The following DNM3 variants were observed in gnomAD, a reference collection of about 807,000 sequenced individuals.
DNM3 encodes the protein dynamin 3.
In DNM3, 47 loss-of-function variants were observed where a neutral mutation model predicts 101.6. The observed-to-expected ratio is 0.46, with a 90% CI of 0.37 to 0.59. The LOEUF (loss-of-function observed/expected upper bound fraction) is 0.59, where lower values mean the gene tolerates loss of function less well. Ranked by LOEUF, DNM3 falls within the 20% of genes least tolerant of loss-of-function variation. The probability of loss-of-function intolerance (pLI) is 0.00; values close to 1 mark genes in which losing one functional copy is unlikely to be tolerated. For synonymous variants in DNM3, 385 were observed against 387.9 expected (o/e 0.99, Z 0.09); for missense variants, 849 against 1,085.7 (o/e 0.78, Z 3.06).
At chr1:172,123,203 C>T (rs2056421850) in intron 13 of DNM3, among the ~76,000 whole-genome samples, 1 of 152,102 alleles carries the variant, frequency 6.6e-6, no homozygotes, top group Non-Finnish European at 1.5e-5. Context: ...GTCTTGAAAA[C>T]AAAGAAAAAC....
intron 2 of DNM3, among the ~76,000 whole-genome samples, chr1:171,979,627 C>G (rs1157869676): frequency 1.3e-5 from 2 of 152,176 alleles, no homozygotes; most frequent in Non-Finnish European, 2.9e-5. Context: ...AGTCCCCCAT[C>G]TCTGGGTATT....
At chr1:171,895,179 C>T (rs926583993) in intron 1 of DNM3, among the ~76,000 whole-genome samples, 13 of 152,230 alleles carry the variant, frequency 8.5e-5, no homozygotes, top group African/African-American at 2.9e-4. Context: ...GGTGAAATGG[C>T]ATTTCTAGTT....
intron 2 of DNM3, among the ~76,000 whole-genome samples, chr1:171,934,479 G>A (rs980782313): frequency 3.3e-5 from 5 of 152,210 alleles, no homozygotes; most frequent in Non-Finnish European, 5.9e-5. Context: ...GAATAAGTTA[G>A]TAACTCTCCC....
intron 1 of DNM3, among the ~76,000 whole-genome samples, chr1:171,884,231 T>A (rs2036569762): frequency 6.6e-6 from 1 of 152,220 alleles, no homozygotes; most frequent in African/African-American, 2.4e-5. Context: ...GAGATTTGTA[T>A]CAGTGATGAA....
At chr1:171,845,679 A>G (rs983611565) in intron 1 of DNM3, among the ~76,000 whole-genome samples, 2 of 152,252 alleles carry the variant, frequency 1.3e-5, no homozygotes, top group African/African-American at 4.8e-5. Flanking sequence ...AACATTTATT[A>G]AAAGATAAGT....
At chr1:172,275,896 T>C (rs1399332795) in intron 15 of DNM3, among the ~76,000 whole-genome samples, 1 of 152,166 alleles carries the variant, frequency 6.6e-6, no homozygotes. Flanking sequence ...AGTTGCCTTA[T>C]GGAACTGAAG....
At chr1:172,416,512 G>A (rs1007598847), downstream of DNM3, among the ~76,000 whole-genome samples, 1 of 152,132 alleles carries the variant, frequency 6.6e-6, no homozygotes, top group Non-Finnish European at 1.5e-5. Context: ...AAACATTCTA[G>A]CTGTCAGTGG....
chr1:172,054,955 AT>A (rs1202926112), intron 10 of DNM3, among the ~76,000 whole-genome samples: 3 of 145,344 alleles, frequency 2.1e-5, no homozygotes, highest in Non-Finnish European at 4.6e-5. Context: ...GCGAGACTCC[AT>A]TTCCCCCCCG....
At position 171,940,666 on chromosome 1, in the gene DNM3, A is replaced by G. The variant is rs80332183; in HGVS notation, c.235+18845A>G. 4.5e-4 allele frequency among the ~76,000 whole-genome samples: 68 copies of G among 152,320 alleles called. 1 individual carries two copies. In the East Asian group the frequency reaches 0.012, roughly 27 times the overall value. On this transcript the variant is annotated intron_variant, in intron 2 of 20. Transcript: ENST00000627582. ...CAACTTGAGAGTCTGTTCTTGGAAG[A>G]GTCTTTAATCTAAGGCATATCAACT...
At chr1:172,276,470 A>C (rs1200136700) in intron 15 of DNM3, among the ~76,000 whole-genome samples, 1 of 152,024 alleles carries the variant, frequency 6.6e-6, no homozygotes, top group African/African-American at 2.4e-5. Flanking sequence ...AATTATGTTT[A>C]GGAAGATTTA....
chr1:171,952,755 C>T lies in DNM3; in HGVS notation c.235+30934C>T, dbSNP rs75852799. Among the ~76,000 whole-genome samples the T allele has an allele frequency of 2.1e-3, 325 of 152,236 alleles. 2 individuals are homozygous for T. Among genetic ancestry groups the T allele is most frequent in the African/African-American group, 7.4e-3 (306 of 41,540 alleles). ...GGCTATTTTGAAGAGAGTTATTTTG[C>T]AATATGAATCAATGAATAACTTATA... On this transcript the variant is annotated intron_variant, in intron 2 of 20. Coordinates refer to ENST00000627582, the MANE Select transcript of DNM3 (RefSeq NM_015569.5).
At chr1:172,278,611 G>C (rs1259761859) in intron 15 of DNM3, among the ~76,000 whole-genome samples, 1 of 152,090 alleles carries the variant, frequency 6.6e-6, no homozygotes, top group Admixed American at 6.6e-5. Context: ...TGGGGAGAAG[G>C]CAAGTGTGTG....
intron 10 of DNM3, among the ~76,000 whole-genome samples, chr1:172,065,617 C>T (rs1242037906): frequency 6.6e-6 from 1 of 152,082 alleles, no homozygotes; most frequent in Non-Finnish European, 1.5e-5. Flanking sequence ...GTATGAGCTC[C>T]ATTTGTATCT....
At chr1:171,948,183 T>C (rs2042284013) in intron 2 of DNM3, among the ~76,000 whole-genome samples, 1 of 152,148 alleles carries the variant, frequency 6.6e-6, no homozygotes, top group African/African-American at 2.4e-5. Context: ...ATGAAACAAA[T>C]ACAACATTTT....
intron 14 of DNM3, among the ~76,000 whole-genome samples, chr1:172,167,969 C>T (rs931357984): frequency 7.2e-5 from 11 of 151,962 alleles, no homozygotes; most frequent in Admixed American, 2.0e-4. Context: ...TAATTCCTGA[C>T]GCTTTGAGGT....
Position 172,410,623 on chromosome 1 carries a change from A to G in DNM3, c.*2782A>G. Reference sequence around the variant, plus strand: ...GAAAAAGTATATTGCATTTCTAAAAAACATCTACCAAGGTTACTCGTCTGA... The same window carrying G: ...GAAAAAGTATATTGCATTTCTAAAAGACATCTACCAAGGTTACTCGTCTGA... On this transcript the variant is annotated 3_prime_UTR_variant, in exon 21 of 21. Coordinates refer to ENST00000627582, the MANE Select transcript of DNM3 (RefSeq NM_015569.5). The G allele has an allele frequency of 1.0e-6, 1 of 985,308 alleles. No homozygotes were observed. Among genetic ancestry groups the G allele is most frequent in the Non-Finnish European group, 1.2e-6 (1 of 829,804 alleles). 61.0% of individuals were successfully genotyped at this position (985,308 alleles called of 1,614,324 possible). A position where few individuals can be genotyped will look rare whatever the true frequency, so the allele number is the denominator to read the frequency against.
chr1:172,159,453 T>G (rs981959914), intron 14 of DNM3, among the ~76,000 whole-genome samples: 1 of 152,090 alleles, frequency 6.6e-6, no homozygotes, highest in African/African-American at 2.4e-5. Context: ...GGATTGGTCC[T>G]CCTCAGAAAT....
intron 2 of DNM3, among the ~76,000 whole-genome samples, chr1:171,976,228 T>C (rs2044360711): frequency 6.6e-6 from 1 of 152,232 alleles, no homozygotes; most frequent in East Asian, 1.9e-4. Context: ...AAAAATTAAG[T>C]TGGCTGTTTC....
intron 14 of DNM3, among the ~76,000 whole-genome samples, chr1:172,163,882 T>G (rs890054975): frequency 3.0e-5 from 3 of 101,436 alleles, no homozygotes; most frequent in Non-Finnish European, 3.7e-5. Flanking sequence ...TATATGTATG[T>G]GTATATATGT....
Sources: gnomAD v4.1 joint callset for allele counts (sites outside exome capture counted in the v4.1 genomes callset) on GRCh38, gnomAD v4.1.1 for gene constraint, MANE v1.5 for transcripts, NCBI Gene and HGNC (gene_info 2026-07-23, HGNC 2026-07-21) for gene names.